Variants in OPHN1 observed in about 807,000 individuals in gnomAD.
OPHN1 encodes oligophrenin-1.
OPHN1 carries 11 observed loss-of-function variants against 60.7 expected under a neutral mutation model. That is an observed-to-expected ratio of 0.18 (90% CI 0.11 to 0.30). The LOEUF is 0.30. Among genes scored for constraint, OPHN1 ranks in the 10% least tolerant of loss-of-function variants. The pLI, the probability that OPHN1 is intolerant of heterozygous loss-of-function variation, is 1.00. For missense variants in OPHN1, 449 were observed against 611.0 expected, an observed-to-expected ratio of 0.73 and a Z score of 2.80; for synonymous variants, 226 against 222.6, an observed-to-expected ratio of 1.02 and a Z score of -0.14.
chrX:68,402,016 C>G (rs757292754), intron 2 of OPHN1, among the ~76,000 whole-genome samples: 1 of 111,776 alleles, frequency 8.9e-6, no homozygotes, highest in Admixed American at 9.6e-5. Flanking sequence ...GGTTTCTGAA[C>G]AGGAAGTGGC....
intron 6 of OPHN1, among the ~76,000 whole-genome samples, chrX:68,227,183 A>G (rs1048887581): frequency 2.7e-5 from 3 of 111,913 alleles, no homozygotes; most frequent in Admixed American, 1.9e-4. Context: ...ATGGTAAAGG[A>G]ATCAATTCAA....
At chrX:68,391,335 CTCT>C (rs1318308037) in intron 2 of OPHN1, among the ~76,000 whole-genome samples, 2 of 111,553 alleles carry the variant, frequency 1.8e-5, no homozygotes, top group Non-Finnish European at 3.8e-5. Flanking sequence ...TTGTGTTTTT[CTCT>C]TTTTTTGCAA....
intron 5 of OPHN1, among the ~76,000 whole-genome samples, chrX:68,248,085 C>T (rs994273783): frequency 3.6e-5 from 4 of 110,539 alleles, no homozygotes; most frequent in African/African-American, 1.3e-4. Context: ...TTCATATCGC[C>T]GAAAGGACAC....
At chrX:68,097,123 T>C (rs2077041171) in intron 18 of OPHN1, 94 bp from the exon 19 acceptor site, 10 of 837,695 alleles carry the variant, frequency 1.2e-5, no homozygotes, top group Non-Finnish European at 1.6e-5. Flanking sequence ...TAAGAGAAAC[T>C]AAAATGTAGA....
intron 2 of OPHN1, among the ~76,000 whole-genome samples, chrX:68,382,687 T>C (rs2078603411): frequency 8.9e-6 from 1 of 111,763 alleles, no homozygotes; most frequent in African/African-American, 3.3e-5. Context: ...TACTCTAAAA[T>C]TGATTGTGGT....
intron 6 of OPHN1, among the ~76,000 whole-genome samples, chrX:68,230,762 C>T (rs1345947363): frequency 4.4e-5 from 2 of 45,855 alleles, no homozygotes; most frequent in South Asian, 1.1e-3. Flanking sequence ...TGGAGCTTGA[C>T]GTGGGGTGGG....
rs184897833 is a variant in OPHN1 at position 68,164,265 on chromosome X, A to G, written c.1276+28654T>C. Among the ~76,000 whole-genome samples the G allele has an allele frequency of 1.9e-4, 21 of 112,333 alleles. No individual in the cohort carries two copies. In the East Asian group the frequency reaches 5.9e-3, roughly 31 times the overall value. ...ATGGTGAACCCTTTCCAGGTTTTCA[A>G]TATACTCTGCCCATATCCATTAGAG... On this transcript the variant is annotated intron_variant, in intron 15 of 24. Coordinates refer to ENST00000355520, the MANE Select transcript of OPHN1 (RefSeq NM_002547.3).
At chrX:68,137,327 G>A (rs1457303393) in intron 15 of OPHN1, among the ~76,000 whole-genome samples, 1 of 111,663 alleles carries the variant, frequency 9.0e-6, no homozygotes, top group Non-Finnish European at 1.9e-5. Context: ...ATGTGTACCT[G>A]TCTCTATCCC....
At chrX:68,375,742 C>T (rs1026076014) in intron 2 of OPHN1, among the ~76,000 whole-genome samples, 5 of 109,694 alleles carry the variant, frequency 4.6e-5, no homozygotes, top group Non-Finnish European at 7.6e-5. Context: ...TTTGTAGAGA[C>T]GGGGTCTTCC....
chrX:68,081,316 G>A (rs1468573322), intron 19 of OPHN1, among the ~76,000 whole-genome samples: 3 of 111,487 alleles, frequency 2.7e-5, no homozygotes, highest in African/African-American at 9.8e-5. Flanking sequence ...CAGTTGTGTT[G>A]GAGCTTTGCT....
At chrX:68,169,572 C>T (rs1231690124) in intron 15 of OPHN1, among the ~76,000 whole-genome samples, 396 of 108,146 alleles carry the variant, frequency 3.7e-3, no homozygotes, top group Middle Eastern at 0.019. Flanking sequence ...GGTACTGGTA[C>T]CAAAACAGAG....
At chrX:68,298,202 A>AT (rs1332683930) in intron 3 of OPHN1, among the ~76,000 whole-genome samples, 2 of 111,696 alleles carry the variant, frequency 1.8e-5, no homozygotes, top group Admixed American at 9.6e-5. Context: ...TGGCCAGAAG[A>AT]TAACGATTTT....
At chrX:68,313,438 C>A (rs905670040) in intron 2 of OPHN1, among the ~76,000 whole-genome samples, 3 of 112,019 alleles carry the variant, frequency 2.7e-5, no homozygotes, top group African/African-American at 6.5e-5. Context: ...GGTACATATA[C>A]CACGTCATTC....
chrX:68,282,952 T>C, intron 4 of OPHN1, 104 bp downstream of exon 4: 1 of 620,746 alleles, frequency 1.6e-6, no homozygotes, highest in Middle Eastern at 3.2e-4. Flanking sequence ...AGAAGCTATC[T>C]GACAGAAATC....
intron 5 of OPHN1, among the ~76,000 whole-genome samples, chrX:68,238,752 C>A (rs1156979450): frequency 9.0e-6 from 1 of 111,385 alleles, no homozygotes; most frequent in Non-Finnish European, 1.9e-5. Context: ...TGCCCCTCTG[C>A]TCAAACCTCT....
At chrX:68,410,502 C>T in intron 2 of OPHN1, among the ~76,000 whole-genome samples, 1 of 109,256 alleles carries the variant, frequency 9.2e-6, no homozygotes, top group Middle Eastern at 4.8e-3. Context: ...ACGGAGGTTG[C>T]AGTGAGCCAA....
intron 5 of OPHN1, among the ~76,000 whole-genome samples, chrX:68,263,299 C>G (rs1736478723): frequency 8.9e-6 from 1 of 111,798 alleles, no homozygotes; most frequent in African/African-American, 3.3e-5. Flanking sequence ...ACTGGGAGAC[C>G]TAGTAATATG....
intron 15 of OPHN1, among the ~76,000 whole-genome samples, chrX:68,149,815 T>A (rs915865392): frequency 1.2e-4 from 13 of 109,904 alleles, no homozygotes; most frequent in African/African-American, 4.3e-4. Flanking sequence ...AAAAAAAAAA[T>A]TTAAAACAGA....
At chrX:68,077,163 C>T (rs894469743) in intron 19 of OPHN1, among the ~76,000 whole-genome samples, 2 of 111,738 alleles carry the variant, frequency 1.8e-5, no homozygotes, top group African/African-American at 6.5e-5. Flanking sequence ...GCCTATTAGA[C>T]TGATAAATTA....
Sources: gnomAD v4.1 joint callset for allele counts (sites outside exome capture counted in the v4.1 genomes callset) on GRCh38, gnomAD v4.1.1 for gene constraint, MANE v1.5 for transcripts, NCBI Gene and HGNC (gene_info 2026-07-23, HGNC 2026-07-21) for gene names.